CHRM1: variants seen among roughly 807,000 people sequenced by gnomAD.
CHRM1 encodes cholinergic receptor muscarinic 1.
CHRM1 carries 5 observed loss-of-function variants against 31.6 expected under a neutral mutation model. The observed-to-expected ratio is 0.16, with a 90% CI of 0.08 to 0.33. The LOEUF (loss-of-function observed/expected upper bound fraction) is 0.33. CHRM1 is among the 10% of genes least tolerant of loss of function. CHRM1 has a pLI of 1.00. For missense variants in CHRM1, 338 were observed against 610.3 expected, an observed-to-expected ratio of 0.55 and a Z score of 4.70; for synonymous variants, 227 against 249.7, an observed-to-expected ratio of 0.91 and a Z score of 0.86.
At chr11:62,911,647 G>A (rs1282745720) in intron 1 of CHRM1, among the ~76,000 whole-genome samples, 1 of 152,210 alleles carries the variant, frequency 6.6e-6, no homozygotes, top group East Asian at 1.9e-4. Context: ...TACGTCTCTA[G>A]GAGAAAGGGC....
chr11:62,911,953 C>T (rs542074870), intron 1 of CHRM1, among the ~76,000 whole-genome samples: 6 of 152,112 alleles, frequency 3.9e-5, no homozygotes, highest in South Asian at 2.1e-4. Flanking sequence ...TTTTTCTGCA[C>T]GTTTTTCTGC....
At chr11:62,916,445 A>G (rs2085900874) in intron 1 of CHRM1, among the ~76,000 whole-genome samples, 1 of 152,234 alleles carries the variant, frequency 6.6e-6, no homozygotes, top group Non-Finnish European at 1.5e-5. Flanking sequence ...AAATGCTTTC[A>G]GAACAGGGGA....
chr11:62,919,875 C>T (rs1324392162), intron 1 of CHRM1, among the ~76,000 whole-genome samples: 1 of 152,176 alleles, frequency 6.6e-6, no homozygotes, highest in Admixed American at 6.5e-5. Context: ...CTTTCTCAGC[C>T]TCAGTCCCTC....
upstream of CHRM1, chr11:62,921,698 C>T (rs974364455): frequency 6.6e-6 from 1 of 151,360 alleles, no homozygotes; most frequent in Non-Finnish European, 1.5e-5. Flanking sequence ...TTGGGCTCCT[C>T]CCCCCACCCA....
chr11:62,919,148 G>C (rs1565267296), intron 1 of CHRM1, among the ~76,000 whole-genome samples: 2 of 152,246 alleles, frequency 1.3e-5, no homozygotes, highest in South Asian at 2.1e-4. Flanking sequence ...CCAGAAGCCA[G>C]CCCATACGAG....
chr11:62,916,652 C>G (rs908483857), intron 1 of CHRM1, among the ~76,000 whole-genome samples: 3 of 152,228 alleles, frequency 2.0e-5, no homozygotes, highest in Non-Finnish European at 2.9e-5. Context: ...TATTCTTTCC[C>G]TTAATCACAG....
chr11:62,920,840 C>T (rs2085929688), intron 1 of CHRM1: 1 of 152,080 alleles, frequency 6.6e-6, no homozygotes, highest in Non-Finnish European at 1.5e-5. Context: ...ATGCTGGTGG[C>T]AAGGGCTGCT....
chr11:62,911,318 A>G (rs1274937603), intron 1 of CHRM1, 140 bp from the exon 2 acceptor site: 6 of 569,498 alleles, frequency 1.1e-5, no homozygotes, highest in Admixed American at 6.4e-5. Flanking sequence ...GTGCCCACTC[A>G]TGGTCATTTA....
At chr11:62,915,043 C>T (rs555896402) in intron 1 of CHRM1, among the ~76,000 whole-genome samples, 11 of 152,004 alleles carry the variant, frequency 7.2e-5, no homozygotes, top group South Asian at 2.1e-4. Flanking sequence ...GGCATGGTGG[C>T]GGGCACCTAT....
At chr11:62,916,316 C>T (rs575827699) in intron 1 of CHRM1, among the ~76,000 whole-genome samples, 1 of 152,346 alleles carries the variant, frequency 6.6e-6, no homozygotes, top group Admixed American at 6.5e-5. Flanking sequence ...GAACCCAAGT[C>T]CCTGAGGCAA....
Position 62,909,734 on chromosome 11 carries a change from G to A in CHRM1, c.1367C>T (p.Pro456Leu), listed in dbSNP as rs1488521254. ...PKRPGSVHRTPSRQC is the reference protein window; with the variant it reads ...PKRPGSVHRTLSRQC ...AGGGGACTATCAGCATTGGCGGGAG[G>A]GAGTGCGGTGCACGGAGCCAGGGCG... The change falls in exon 2 of 2, where the codon CCC becomes CTC. Residue 456 changes from proline (P) to leucine (L), a missense_variant. Pro to Leu is a moderately conservative substitution (Grantham distance 98). Around this residue, in one of 4 missense-constraint regions of CHRM1, gnomAD observed 68 missense variants for 108.5 expected, o/e 0.63. Transcript: ENST00000306960. The A allele has an allele frequency of 1.2e-6, 2 of 1,613,936 alleles. No homozygotes were observed. The highest frequency in any genetic ancestry group is 1.7e-6 in the Non-Finnish European group (2 of 1,179,860).
Position 62,910,189 on chromosome 11 carries a change from C to T in CHRM1, c.912G>A (p.Met304Ile). 1.2e-6 allele frequency: 2 copies of T among 1,602,786 alleles called. No individual in the cohort carries two copies. Among genetic ancestry groups the T allele is most frequent in the Admixed American group, 1.7e-5 (1 of 58,730 alleles). ...CCTGTGCCTCGGGGTCCACCATTGG[C>T]ATCTTGATCACCACTTCGGAGCCAG... is the stretch of plus-strand genomic sequence containing the variant. ...EEPGSEVVIK[M>I]PMVDPEAQAP... Residue 304 changes from methionine (M) to isoleucine (I), a missense_variant, in exon 2 of 2, where the codon ATG becomes ATA. Met to Ile is a conservative substitution (Grantham distance 10, BLOSUM62 1). Coordinates refer to ENST00000306960, the MANE Select transcript of CHRM1 (RefSeq NM_000738.3). The surrounding 1 kb of genome is among the most constrained non-coding windows in gnomAD (Gnocchi z 8.7).
Position 62,910,589 on chromosome 11 carries a change from C to T in CHRM1, c.512G>A (p.Arg171Gln), listed in dbSNP as rs1382129041. 3 of 1,614,174 alleles carry T rather than the reference C, an allele frequency of 1.9e-6. No homozygotes were observed. The highest frequency in any genetic ancestry group is 1.7e-6 in the Non-Finnish European group (2 of 1,180,034). Residue 171 changes from arginine (R) to glutamine (Q), a missense_variant, in exon 2 of 2, where the codon CGG becomes CAG. Physicochemically the swap from Arg to Gln is conservative, Grantham distance 43. Around this residue, in one of 4 missense-constraint regions of CHRM1, gnomAD observed 85 missense variants for 257.7 expected, o/e 0.33. Transcript: ENST00000306960. This position sits in a 1 kb window ranked among gnomAD's most constrained non-coding sequence, Gnocchi z 8.7. ...GTAGCACTGCCCAGCTAGCACTGTCCGCTCCCCTACCAGGTACTGCCAGAA... is the reference window on the plus strand; with the variant it reads ...GTAGCACTGCCCAGCTAGCACTGTCTGCTCCCCTACCAGGTACTGCCAGAA... Reference protein sequence around the residue: ...ILFWQYLVGERTVLAGQCYIQ... With the variant: ...ILFWQYLVGEQTVLAGQCYIQ...
At chr11:62,919,256 G>A (rs2085917808) in intron 1 of CHRM1, among the ~76,000 whole-genome samples, 1 of 152,202 alleles carries the variant, frequency 6.6e-6, no homozygotes, top group South Asian at 2.1e-4. Context: ...TTGAGAATGA[G>A]GGAGTAAACA....
At position 62,909,501 on chromosome 11, in the gene CHRM1, A is replaced by C; in HGVS notation, c.*217T>G. On this transcript the variant is annotated 3_prime_UTR_variant, in exon 2 of 2. Coordinates refer to ENST00000306960, the MANE Select transcript of CHRM1 (RefSeq NM_000738.3). ...AGAGCGCATTCCCACCCAGCAGGGA[A>C]CAGAAAAACCAGTTCCCCGGGTTTC... 4.2e-5 allele frequency: 24 copies of C among 573,478 alleles called. No homozygotes were observed. Among genetic ancestry groups the C allele is most frequent in the East Asian group, 5.9e-5 (2 of 33,656 alleles). The allele number at this position is 573,478 out of a possible 1,614,324, so 35.5% of individuals were successfully genotyped here. A position where few individuals can be genotyped will look rare whatever the true frequency, so the allele number is the denominator to read the frequency against.
rs113843719 is a variant in CHRM1 at position 62,909,481 on chromosome 11, G to T, written c.*237C>A. 2 of 556,262 alleles carry T rather than the reference G, an allele frequency of 3.6e-6. No homozygotes were observed. The highest frequency in any genetic ancestry group is 3.2e-5 in the Admixed American group (1 of 31,586). 34.5% of individuals were successfully genotyped at this position (556,262 alleles called of 1,614,324 possible). ...CCGGGCCTTCTTCCTGGTGAAGAGC[G>T]CATTCCCACCCAGCAGGGAACAGAA... On this transcript the variant is annotated 3_prime_UTR_variant, in exon 2 of 2. Transcript: ENST00000306960.
In CHRM1 at chr11:62,910,318, G is replaced by A. The variant is rs141441306; in HGVS notation, c.783C>T (p.Arg261=). The change falls in exon 2 of 2, where the codon CGC becomes CGT. Residue 261 remains arginine, a synonymous_variant. Coordinates refer to ENST00000306960, the MANE Select transcript of CHRM1 (RefSeq NM_000738.3). The surrounding 1 kb of genome is among the most constrained non-coding windows in gnomAD (Gnocchi z 8.7). ...SPETPPGRCC[R]CCRAPRLLQA... The stretch of plus-strand genomic sequence containing the variant: ...GCAGCAGCCTGGGGGCCCGGCAGCA[G>A]CGACAGCAGCGGCCTGGAGGAGTCT... 0.018 allele frequency: 29,314 copies of A among 1,611,030 alleles called. 387 individuals are homozygous for A. Among genetic ancestry groups the A allele is most frequent in the Non-Finnish European group, 0.023 (27,411 of 1,179,990 alleles).
At chr11:62,911,246 C>T in intron 1 of CHRM1, 68 bp from the exon 2 acceptor site, 1 of 752,594 alleles carries the variant, frequency 1.3e-6, no homozygotes. Context: ...TTGGAAGATG[C>T]TAGGGATGTA....
intron 1 of CHRM1, among the ~76,000 whole-genome samples, chr11:62,911,954 G>A (rs1440367249): frequency 1.3e-5 from 2 of 152,136 alleles, no homozygotes; most frequent in Admixed American, 6.5e-5. Context: ...TTTTCTGCAC[G>A]TTTTTCTGCG....
Sources: allele counts gnomAD v4.1 joint callset (sites outside exome capture counted in the v4.1 genomes callset), GRCh38; gene constraint gnomAD v4.1.1; regional missense constraint gnomAD v4.1.1; non-coding constraint Gnocchi (gnomAD v3.1); transcripts MANE v1.5; gene names NCBI Gene and HGNC (gene_info 2026-07-23, HGNC 2026-07-21).